The following RSPO2 variants were observed in gnomAD, a reference collection of about 807,000 sequenced individuals.
RSPO2 encodes R-spondin 2.
RSPO2 carries 14 observed loss-of-function variants against 30.9 expected under a neutral mutation model. The ratio of observed to expected loss-of-function variants is 0.45; its 90% CI spans 0.30 to 0.71. RSPO2 has a LOEUF of 0.71. Ranked by LOEUF, RSPO2 falls within the 30% of genes least tolerant of loss-of-function variation. The pLI, the probability that RSPO2 is intolerant of heterozygous loss-of-function variation, is 0.08. For missense variants in RSPO2, 264 were observed against 301.9 expected, an observed-to-expected ratio of 0.87 and a Z score of 0.93; for synonymous variants, 107 against 96.4, an observed-to-expected ratio of 1.11 and a Z score of -0.64.
At chr8:107,993,432 A>T (rs183345596) in intron 2 of RSPO2, among the ~76,000 whole-genome samples, 106 of 152,306 alleles carry the variant, frequency 7.0e-4, no homozygotes, top group Non-Finnish European at 1.3e-3. Context: ...TGAAATTCAC[A>T]TACATTATGC....
intron 3 of RSPO2, among the ~76,000 whole-genome samples, chr8:107,981,457 G>T (rs1050112956): frequency 6.6e-6 from 1 of 152,026 alleles, no homozygotes; most frequent in African/African-American, 2.4e-5. Context: ...GGAAGCGGAG[G>T]TTACAGTGAG....
chr8:108,053,660 C>T (rs537911724), intron 2 of RSPO2, among the ~76,000 whole-genome samples: 1 of 152,206 alleles, frequency 6.6e-6, no homozygotes, highest in South Asian at 2.1e-4. Context: ...TAGTTATAGG[C>T]ATGTAACTAT....
intron 2 of RSPO2, among the ~76,000 whole-genome samples, chr8:108,069,721 G>A (rs1463986118): frequency 6.6e-6 from 1 of 152,170 alleles, no homozygotes; most frequent in Non-Finnish European, 1.5e-5. Context: ...TTCAGACAAG[G>A]CTGAAGACAG....
At chr8:107,933,302 T>C (rs1227704408) in intron 5 of RSPO2, among the ~76,000 whole-genome samples, 1 of 152,142 alleles carries the variant, frequency 6.6e-6, no homozygotes, top group Non-Finnish European at 1.5e-5. Flanking sequence ...GCTATAAAAG[T>C]AAAAGAACAC....
chr8:108,008,410 T>C (rs1192101314), intron 2 of RSPO2, among the ~76,000 whole-genome samples: 1 of 152,136 alleles, frequency 6.6e-6, no homozygotes, highest in Non-Finnish European at 1.5e-5. Flanking sequence ...CAGAAGTAAC[T>C]GACTGCCTGG....
At chr8:107,983,030 C>A in intron 3 of RSPO2, 1 of 941,784 alleles carries the variant, frequency 1.1e-6, no homozygotes, top group East Asian at 2.6e-5. Context: ...ACAGTCTCTG[C>A]GGCTGTGTCA....
At chr8:108,065,982 G>A (rs182670175) in intron 2 of RSPO2, among the ~76,000 whole-genome samples, 57 of 152,278 alleles carry the variant, frequency 3.7e-4, no homozygotes, top group Admixed American at 2.9e-3. Flanking sequence ...AGGTTACAGT[G>A]AGCAGAGATC....
At chr8:108,011,134 G>GAAAAA (rs66722934) in intron 2 of RSPO2, among the ~76,000 whole-genome samples, 37 of 99,928 alleles carry the variant, frequency 3.7e-4, no homozygotes, top group African/African-American at 4.7e-4. Context: ...CTCCGTCCCA[G>GAAAAA]AAAAAAAAAA....
At position 108,007,410 on chromosome 8, in the gene RSPO2, T is replaced by A. The variant is rs547488080; in HGVS notation, c.95-18166A>T. On this transcript the variant is annotated intron_variant, in intron 2 of 5. Transcript: ENST00000276659. ...TACCACCCAAGAGATTATGTATTAA[T>A]CACAAATGAGAAAAGTTGCCTTTAT... Among the ~76,000 whole-genome samples, 13 of 152,296 alleles carry A rather than the reference T, an allele frequency of 8.5e-5. No homozygotes were observed. In the South Asian group the frequency reaches 2.3e-3, roughly 27 times the overall value.
chr8:107,952,792 A>G (rs59415603), intron 5 of RSPO2, among the ~76,000 whole-genome samples: 1 of 152,128 alleles, frequency 6.6e-6, no homozygotes, highest in Non-Finnish European at 1.5e-5. Context: ...CACACACGAA[A>G]AAACATAGGT....
At chr8:108,065,992 C>T (rs1459412482) in intron 2 of RSPO2, among the ~76,000 whole-genome samples, 1 of 152,154 alleles carries the variant, frequency 6.6e-6, no homozygotes. Context: ...GAGCAGAGAT[C>T]GTGCCATTGC....
intron 2 of RSPO2, among the ~76,000 whole-genome samples, chr8:108,009,029 C>T (rs1204703608): frequency 2.0e-5 from 3 of 152,030 alleles, no homozygotes; most frequent in Non-Finnish European, 4.4e-5. Flanking sequence ...TATCCAATCT[C>T]ATTATTGACA....
rs137867492 is a variant in RSPO2, at chr8:108,016,543, A to G, written c.95-27299T>C. Among the ~76,000 whole-genome samples, 83 of 152,342 alleles carry G rather than the reference A, an allele frequency of 5.4e-4. 1 individual carries two copies. The highest frequency in any genetic ancestry group is 1.9e-3 in the African/African-American group (79 of 41,586). ...GAATTTGAGAAGCACACACAGAGAA[A>G]AAAAACCACCTTCAGAGAAAACAAT... On this transcript the variant is annotated intron_variant, in intron 2 of 5. Transcript: ENST00000276659.
intron 2 of RSPO2, among the ~76,000 whole-genome samples, chr8:108,005,907 T>C (rs1452855405): frequency 6.6e-6 from 1 of 152,174 alleles, no homozygotes; most frequent in African/African-American, 2.4e-5. Flanking sequence ...CTATGTCTGA[T>C]ACACCTTGGC....
At chr8:107,943,207 A>ATGCG (rs1321647586) in intron 5 of RSPO2, among the ~76,000 whole-genome samples, 1 of 152,148 alleles carries the variant, frequency 6.6e-6, no homozygotes, top group African/African-American at 2.4e-5. Context: ...CCATGCACAC[A>ATGCG]TGCGTGCGTG....
chr8:108,062,790 CT>C (rs1812516108), intron 2 of RSPO2, among the ~76,000 whole-genome samples: 1 of 151,818 alleles, frequency 6.6e-6, no homozygotes, highest in African/African-American at 2.4e-5. Flanking sequence ...CAATAAAATA[CT>C]GGCAAACTGA....
chr8:107,938,785 A>G (rs1270399253), intron 5 of RSPO2, among the ~76,000 whole-genome samples: 1 of 152,202 alleles, frequency 6.6e-6, no homozygotes, highest in East Asian at 1.9e-4. Context: ...GCGTTCTGCA[A>G]CCATAAACAG....
chr8:108,020,417 G>A lies in RSPO2; in HGVS notation c.95-31173C>T, dbSNP rs575912657. ...AAATTAAATAAAATCCTATCACTTC[G>A]GCTGTTTAAAAATCCACCGTATTCC... On this transcript the variant is annotated intron_variant, in intron 2 of 5. Transcript: ENST00000276659. Among the ~76,000 whole-genome samples, 10 of 152,016 alleles carry A rather than the reference G, an allele frequency of 6.6e-5. 1 individual carries two copies. Among genetic ancestry groups the A allele is most frequent in the African/African-American group, 1.9e-4 (8 of 41,430 alleles).
chr8:108,034,729 A>T (rs1378742727), intron 2 of RSPO2, among the ~76,000 whole-genome samples: 1 of 152,180 alleles, frequency 6.6e-6, no homozygotes, highest in East Asian at 1.9e-4. Context: ...TCAAAATAGG[A>T]GATTTTGCTG....
Sources: gnomAD v4.1 joint callset for allele counts (sites outside exome capture counted in the v4.1 genomes callset) on GRCh38, gnomAD v4.1.1 for gene constraint, MANE v1.5 for transcripts, NCBI Gene and HGNC (gene_info 2026-07-23, HGNC 2026-07-21) for gene names.